The following SEMA3A variants were observed in gnomAD, a reference collection of about 807,000 sequenced individuals.
SEMA3A encodes the protein semaphorin-3A.
SEMA3A carries 29 observed loss-of-function variants against 97.9 expected under a neutral mutation model. The observed-to-expected ratio is 0.30, with a 90% CI of 0.22 to 0.40. The LOEUF (loss-of-function observed/expected upper bound fraction) is 0.40, where lower values mean the gene tolerates loss of function less well. Among genes scored for constraint, SEMA3A ranks in the 10% least tolerant of loss-of-function variants. SEMA3A has a pLI of 1.00. For synonymous variants in SEMA3A, 321 were observed against 323.7 expected, an observed-to-expected ratio of 0.99 and a Z score of 0.09; for missense variants, 763 against 951.3, an observed-to-expected ratio of 0.80 and a Z score of 2.60.
chr7:84,177,148 C>T (rs1342568019), intron 1 of SEMA3A, among the ~76,000 whole-genome samples: 1 of 152,072 alleles, frequency 6.6e-6, no homozygotes, highest in African/African-American at 2.4e-5. Context: ...AAAGAATAAA[C>T]CCATAATCCA....
intron 9 of SEMA3A, among the ~76,000 whole-genome samples, chr7:84,010,572 T>C (rs1436399230): frequency 1.3e-5 from 2 of 152,160 alleles, no homozygotes; most frequent in Admixed American, 1.3e-4. Flanking sequence ...TTTTCTCTGA[T>C]CTCATTCATT....
intron 2 of SEMA3A, among the ~76,000 whole-genome samples, chr7:84,367,048 G>A (rs965088224): frequency 1.3e-5 from 2 of 150,982 alleles, no homozygotes; most frequent in Admixed American, 1.3e-4. Context: ...AACATGTTCA[G>A]GGGCTTGACC....
In SEMA3A at chr7:84,062,245, T is replaced by C. The variant is rs545523471; in HGVS notation, c.454-1687A>G. 9.8e-5 allele frequency among the ~76,000 whole-genome samples: 15 copies of C among 152,342 alleles called. 1 individual carries two copies. In the South Asian group the frequency reaches 1.9e-3, roughly 19 times the overall value. On this transcript the variant is annotated intron_variant, in intron 4 of 16. Transcript: ENST00000265362. ...GTGTCAAAGAAATATTACATTGAGA[T>C]GTTTATATACATCACTAAATTACAA...
chr7:84,034,299 T>C (rs1283377937), intron 6 of SEMA3A, among the ~76,000 whole-genome samples: 2 of 152,188 alleles, frequency 1.3e-5, no homozygotes, highest in East Asian at 1.9e-4. Context: ...TGGTCTTTTA[T>C]CTTATCTTGG....
intron 2 of SEMA3A, among the ~76,000 whole-genome samples, chr7:84,356,299 C>G (rs1432989731): frequency 1.3e-5 from 2 of 151,454 alleles, no homozygotes; most frequent in Non-Finnish European, 3.0e-5. Context: ...GTTATGACAG[C>G]TAATTATTTA....
intron 4 of SEMA3A, among the ~76,000 whole-genome samples, chr7:84,098,558 T>G (rs1026973833): frequency 6.6e-6 from 1 of 152,080 alleles, no homozygotes; most frequent in Admixed American, 6.6e-5. Flanking sequence ...TATAATCTTT[T>G]AAAGGACTCT....
chr7:83,969,119 C>A (rs1012875106), intron 15 of SEMA3A, among the ~76,000 whole-genome samples: 6 of 151,968 alleles, frequency 3.9e-5, no homozygotes, highest in Admixed American at 3.9e-4. Flanking sequence ...CTTTTATAAC[C>A]CTTTCTATTG....
intron 1 of SEMA3A, among the ~76,000 whole-genome samples, chr7:84,391,808 C>T (rs953820209): frequency 6.6e-6 from 1 of 151,686 alleles, no homozygotes; most frequent in African/African-American, 2.4e-5. Context: ...GCCTTCTCTA[C>T]AAAAAAATAC....
intron 2 of SEMA3A, among the ~76,000 whole-genome samples, chr7:84,333,268 T>C (rs144750278): frequency 3.4e-3 from 525 of 152,256 alleles, no homozygotes; most frequent in African/African-American, 0.01. Context: ...AGTTGGTGTT[T>C]TCACCTCTGC....
At chr7:84,232,012 A>G (rs1027563527) in intron 3 of SEMA3A, among the ~76,000 whole-genome samples, 3 of 151,438 alleles carry the variant, frequency 2.0e-5, no homozygotes, top group Admixed American at 1.3e-4. Context: ...GTGTGTGTGT[A>G]TATGTAAATA....
intron 3 of SEMA3A, among the ~76,000 whole-genome samples, chr7:84,297,700 G>C (rs1168177907): frequency 6.6e-6 from 1 of 151,442 alleles, no homozygotes; most frequent in Non-Finnish European, 1.5e-5. Context: ...TTTCCACTAA[G>C]AAAGAGGGAG....
intron 6 of SEMA3A, among the ~76,000 whole-genome samples, chr7:84,030,710 A>C: frequency 6.6e-6 from 1 of 152,144 alleles, no homozygotes; most frequent in East Asian, 1.9e-4. Context: ...TTAATAACGT[A>C]TTTTTATCCA....
At chr7:84,091,234 AGAAG>A (rs1311743651) in intron 4 of SEMA3A, among the ~76,000 whole-genome samples, 13 of 91,298 alleles carry the variant, frequency 1.4e-4, no homozygotes, top group Admixed American at 5.6e-4. Context: ...AAGAAAAGAA[AGAAG>A]GAAGGAAGGA....
In SEMA3A at chr7:84,026,023, A is replaced by T. The variant is rs142248569; in HGVS notation, c.668-11672T>A. 1.4e-4 allele frequency among the ~76,000 whole-genome samples: 22 copies of T among 152,348 alleles called. No homozygotes were observed. In the East Asian group the frequency reaches 3.5e-3, roughly 24 times the overall value. ...AATCATTAATCAAGAGAATAGTGGG[A>T]AAGATTGCTACCTTCTAGCACTACA... is the stretch of plus-strand genomic sequence containing the variant. On this transcript the variant is annotated intron_variant, in intron 6 of 16. Coordinates refer to ENST00000265362, the MANE Select transcript of SEMA3A (RefSeq NM_006080.3).
intron 3 of SEMA3A, among the ~76,000 whole-genome samples, chr7:84,298,610 C>T (rs1800923354): frequency 6.6e-6 from 1 of 152,178 alleles, no homozygotes; most frequent in South Asian, 2.1e-4. Flanking sequence ...CAACAGTTCC[C>T]TATACCTTGT....
intron 3 of SEMA3A, among the ~76,000 whole-genome samples, chr7:84,299,993 T>C (rs1355033893): frequency 2.8e-5 from 4 of 141,498 alleles, no homozygotes; most frequent in East Asian, 4.1e-4. Context: ...GATCATGACA[T>C]TGCACTCCAG....
chr7:84,046,268 G>C (rs1792344029), intron 6 of SEMA3A, 56 bp downstream of exon 6: 1 of 1,588,018 alleles, frequency 6.3e-7, no homozygotes, highest in Admixed American at 1.8e-5. Context: ...GAGTTCTCTA[G>C]TAACTTAATA....
rs1055847297 is a variant in SEMA3A at position 84,468,430 on chromosome 7, A to C, written c.-246+24030T>G. On this transcript the variant is annotated intron_variant, in intron 1 of 3. Coordinates refer to the SEMA3A transcript ENST00000424555. The stretch of plus-strand genomic sequence containing the variant: ...GCAGGTGCCTAGTTTACTGCATTTA[A>C]GGTCATTACAAAAGCACTTTGTGAG... Among the ~76,000 whole-genome samples the C allele has an allele frequency of 1.6e-4, 25 of 152,188 alleles. 1 individual carries two copies. Among genetic ancestry groups the C allele is most frequent in the Admixed American group, 1.1e-3 (17 of 15,280 alleles).
intron 6 of SEMA3A, among the ~76,000 whole-genome samples, chr7:84,038,390 T>C (rs1792018442): frequency 6.6e-6 from 1 of 152,186 alleles, no homozygotes; most frequent in Non-Finnish European, 1.5e-5. Flanking sequence ...TCTTACACAA[T>C]ATTAAGACAA....
Sources: gnomAD v4.1 joint callset for allele counts (sites outside exome capture counted in the v4.1 genomes callset) on GRCh38, gnomAD v4.1.1 for gene constraint, MANE v1.5 for transcripts, NCBI Gene and HGNC (gene_info 2026-07-23, HGNC 2026-07-21) for gene names.